Variants in XIST observed in about 807,000 individuals in gnomAD.
XIST encodes the protein X inactive specific transcript (non-protein coding).
rs766022078 is a variant in XIST at position 73,844,357 on chromosome X, CCTT to C, written n.8364_8366del. 5 of 557,987 alleles carry C rather than the reference CCTT, an allele frequency of 9.0e-6. No homozygotes were observed. In the South Asian group the frequency reaches 1.1e-4, roughly 12 times the overall value. The allele number at this position is 557,987 out of a possible 1,213,427, so 46.0% of individuals were successfully genotyped here. On this transcript the variant is annotated non_coding_transcript_exon_variant, in exon 1 of 6. Coordinates refer to ENST00000429829, the Ensembl canonical transcript of XIST. The stretch of plus-strand genomic sequence containing the variant: ...AGAATCTTAAAAAGTAGTGGGTACT[CCTT>C]GTTGAAAAGCAAAGGGAGTCCATGA...
intron 4 of XIST, among the ~76,000 whole-genome samples, chrX:73,830,439 G>T (rs1249472736): frequency 8.9e-6 from 1 of 112,041 alleles, no homozygotes; most frequent in African/African-American, 3.2e-5. Flanking sequence ...GCACCGAATG[G>T]TCACCTTTAT....
exon 1 of XIST, chrX:73,850,541 G>C: frequency 1.8e-6 from 1 of 550,703 alleles, no homozygotes; most frequent in South Asian, 2.3e-5. Flanking sequence ...TCTTGAGGAA[G>C]GCAGGAATTC....
At chrX:73,843,255 AT>A (rs745879473) in exon 1 of XIST, 6 of 556,789 alleles carry the variant, frequency 1.1e-5, no homozygotes, top group Non-Finnish European at 1.9e-5. Flanking sequence ...GACATATATA[AT>A]TGCAAATATT....
At chrX:73,822,441 C>T (rs1169087432) in exon 6 of XIST, 1 of 514,812 alleles carries the variant, frequency 1.9e-6, no homozygotes, top group East Asian at 3.6e-5. Flanking sequence ...GCATTTTTTT[C>T]CCATGTCTCT....
exon 6 of XIST, chrX:73,824,776 T>C (rs753870099): frequency 1.8e-6 from 1 of 558,830 alleles, no homozygotes; most frequent in East Asian, 3.2e-5. Flanking sequence ...AGCTCTTTCC[T>C]GGTTACCTGG....
exon 6 of XIST, chrX:73,826,530 C>T (rs1420244999): frequency 1.8e-5 from 10 of 557,241 alleles, no homozygotes; most frequent in Non-Finnish European, 3.2e-5. Flanking sequence ...CTAAAGGTAA[C>T]CGGCAACATC....
chrX:73,844,916 G>A (rs377380022), exon 1 of XIST: 22 of 554,116 alleles, frequency 4.0e-5, no homozygotes, highest in African/African-American at 3.4e-4. Context: ...CCTGCCAGAA[G>A]GGAAAGGAAG....
At chrX:73,846,315 T>C (rs750573698) in exon 1 of XIST, 1 of 558,428 alleles carries the variant, frequency 1.8e-6, no homozygotes, top group Non-Finnish European at 3.2e-6. Context: ...TGTGTTCACT[T>C]AACAATTACG....
intron 5 of XIST, chrX:73,827,986 T>C: frequency 2.0e-6 from 1 of 502,757 alleles, no homozygotes. Context: ...AAATACACAC[T>C]TGAGTGCAAG....
At chrX:73,824,272 C>T (rs759258501) in exon 6 of XIST, 30 of 513,515 alleles carry the variant, frequency 5.8e-5, no homozygotes, top group African/African-American at 2.8e-4. Flanking sequence ...CTTGCGTATG[C>T]GTATTCAAAA....
exon 1 of XIST, chrX:73,849,559 C>CA: frequency 3.6e-6 from 2 of 558,143 alleles, no homozygotes; most frequent in Non-Finnish European, 6.5e-6. Flanking sequence ...AAATTGTGGG[C>CA]AATAATGCTC....
chrX:73,852,045 G>T (rs779720935), exon 1 of XIST: 1 of 544,348 alleles, frequency 1.8e-6, no homozygotes, highest in Non-Finnish European at 3.3e-6. Flanking sequence ...CCGCGGCCCC[G>T]ATGGGCCAGA....
At chrX:73,843,281 A>G (rs773851988) in exon 1 of XIST, 227 of 556,677 alleles carry the variant, frequency 4.1e-4, no homozygotes, top group Non-Finnish European at 7.4e-5. Flanking sequence ...TTAACAGTAC[A>G]AGGGGCCTTA....
exon 1 of XIST, chrX:73,849,396 T>C: frequency 3.6e-6 from 2 of 558,818 alleles, no homozygotes; most frequent in Non-Finnish European, 6.5e-6. Context: ...TTATTGGCAA[T>C]TAGAATTTTA....
At chrX:73,851,248 T>A (rs750122598) in exon 1 of XIST, 1 of 559,031 alleles carries the variant, frequency 1.8e-6, no homozygotes, top group Admixed American at 2.2e-5. Flanking sequence ...GATGTCCACG[T>A]GACAAAAGCC....
At chrX:73,849,428 T>A in exon 1 of XIST, 1 of 558,854 alleles carries the variant, frequency 1.8e-6, no homozygotes, top group Middle Eastern at 3.1e-4. Flanking sequence ...GAGTTTTAGG[T>A]GGCCAACACA....
At chrX:73,850,713 T>TG in exon 1 of XIST, 1 of 162,459 alleles carries the variant, frequency 6.2e-6, no homozygotes, top group Non-Finnish European at 1.1e-5. Flanking sequence ...GGTAGGGGGG[T>TG]GGGGAGGTGG....
exon 1 of XIST, chrX:73,851,451 G>C (rs1292169034): frequency 1.8e-6 from 1 of 557,142 alleles, no homozygotes; most frequent in African/African-American, 2.2e-5. Context: ...ATCATGATGT[G>C]GCCTTCCCGC....
intron 2 of XIST, among the ~76,000 whole-genome samples, chrX:73,834,917 A>G (rs1410373372): frequency 3.8e-5 from 4 of 106,162 alleles, no homozygotes; most frequent in Middle Eastern, 9.5e-3. Context: ...TTGCTTGATC[A>G]TGGGGGAAGG....
Sources: allele counts gnomAD v4.1 joint callset (sites outside exome capture counted in the v4.1 genomes callset), GRCh38; gene constraint gnomAD v4.1.1; transcripts MANE v1.5; gene names NCBI Gene and HGNC (gene_info 2026-07-23, HGNC 2026-07-21).